LTBP1: variants seen among roughly 807,000 people sequenced by gnomAD.
LTBP1 encodes latent-transforming growth factor beta-binding protein 1.
A neutral mutation model predicts 207.6 loss-of-function variants in LTBP1; 129 were observed. The ratio of observed to expected loss-of-function variants is 0.62; its 90% CI spans 0.54 to 0.72. LTBP1 has a LOEUF of 0.72. Among genes scored for constraint, LTBP1 ranks in the 30% least tolerant of loss-of-function variants. The pLI is 0.00. For synonymous variants in LTBP1, 963 were observed against 833.7 expected (o/e 1.16, Z -2.67); for missense variants, 2,281 against 2,217.2 (o/e 1.03, Z -0.58).
intron 5 of LTBP1, among the ~76,000 whole-genome samples, chr2:33,178,089 G>T (rs1176051930): frequency 6.6e-6 from 1 of 152,176 alleles, no homozygotes; most frequent in Non-Finnish European, 1.5e-5. Context: ...TTTTGCAGAT[G>T]GAGACACTGT....
intron 24 of LTBP1, among the ~76,000 whole-genome samples, chr2:33,340,185 T>C (rs1228879356): frequency 1.4e-5 from 2 of 143,958 alleles, no homozygotes; most frequent in African/African-American, 5.3e-5. Context: ...GTGAACCCAA[T>C]AGGTGGAGTT....
At chr2:33,307,319 A>C (rs953339279) in intron 22 of LTBP1, among the ~76,000 whole-genome samples, 1 of 152,206 alleles carries the variant, frequency 6.6e-6, no homozygotes, top group African/African-American at 2.4e-5. Context: ...TGTTCACACA[A>C]AGACTTATGA....
rs59867835 is a variant in LTBP1 at position 33,345,570 on chromosome 2, G to A, written c.3857-1797G>A. Among the ~76,000 whole-genome samples the A allele has an allele frequency of 0.013, 1,975 of 152,134 alleles. 134 individuals carry two copies. The East Asian group carries it at 0.18, about 14-fold the overall frequency. ...TTTTTCTGGTCTCAATATGACTGTC[G>A]GTTGATTAAATATTTCAACTCTGCT... On this transcript the variant is annotated intron_variant, in intron 25 of 33. Transcript: ENST00000404816.
At chr2:33,078,659 A>G (rs560047231) in intron 3 of LTBP1, among the ~76,000 whole-genome samples, 2 of 152,316 alleles carry the variant, frequency 1.3e-5, no homozygotes, top group African/African-American at 2.4e-5. Context: ...GTTTAACCAC[A>G]GGTAAGCTTG....
intron 31 of LTBP1, among the ~76,000 whole-genome samples, chr2:33,383,962 T>G (rs1439524167): frequency 6.6e-6 from 1 of 152,240 alleles, no homozygotes; most frequent in Non-Finnish European, 1.5e-5. Context: ...TTGCAACCTC[T>G]CTACCATTTC....
At chr2:33,058,977 T>G (rs1196750365) in intron 3 of LTBP1, among the ~76,000 whole-genome samples, 1 of 152,240 alleles carries the variant, frequency 6.6e-6, no homozygotes, top group Non-Finnish European at 1.5e-5. Context: ...GGCATTTATC[T>G]TGTTATTTTC....
chr2:33,046,291 A>C (rs540152965), intron 3 of LTBP1, among the ~76,000 whole-genome samples: 18 of 152,272 alleles, frequency 1.2e-4, no homozygotes, highest in African/African-American at 4.3e-4. Context: ...ATTTTCCATC[A>C]ATACTTAGTT....
Position 33,275,827 on chromosome 2 carries a change from G to A in LTBP1, c.2896G>A (p.Val966Ile), listed in dbSNP as rs570103846. The change falls in exon 18 of 34, where the codon GTC becomes ATC. Residue 966 changes from valine (V) to isoleucine (I), a missense_variant. Transcript: ENST00000404816. Reference sequence around the variant, plus strand: ...TGTTGACGAATGCCTGAGGCCGGACGTCTGTGGGGAGGGGCACTGTGTCAA... The same window carrying A: ...TGTTGACGAATGCCTGAGGCCGGACATCTGTGGGGAGGGGCACTGTGTCAA... ...IDVDECLRPD[V>I]CGEGHCVNTV... is the part of the protein sequence containing the mutation. The A allele has an allele frequency of 1.3e-4, 203 of 1,613,860 alleles. No individual in the cohort carries two copies. The highest frequency in any genetic ancestry group is 1.5e-4 in the Non-Finnish European group (182 of 1,179,960).
intron 9 of LTBP1, among the ~76,000 whole-genome samples, chr2:33,230,663 G>A (rs1340885769): frequency 6.6e-6 from 1 of 152,162 alleles, no homozygotes; most frequent in East Asian, 1.9e-4. Context: ...TCCCTGAGTG[G>A]AAATACTGAG....
intron 11 of LTBP1, among the ~76,000 whole-genome samples, chr2:33,256,729 T>C (rs556830931): frequency 2.9e-4 from 1 of 3,484 alleles, no homozygotes; most frequent in Non-Finnish European, 7.0e-4. Context: ...GCTAACTATA[T>C]ATATATATAT....
intron 26 of LTBP1, among the ~76,000 whole-genome samples, chr2:33,353,853 T>G (rs897478896): frequency 6.8e-6 from 1 of 147,178 alleles, no homozygotes; most frequent in Non-Finnish European, 1.5e-5. Context: ...GTTTTGTGCA[T>G]GTACGCCTTT....
At position 33,360,797 on chromosome 2, in the gene LTBP1, G is replaced by A. The variant is rs778791257; in HGVS notation, c.4183+18G>A. On this transcript the variant is annotated intron_variant, in intron 27 of 33. Transcript: ENST00000404816. ...GGGAACTGGTAAGAATCCGCTTAGT[G>A]GTAGAGTCACACTTGTGTTTGGTCA... 4 of 1,611,908 alleles carry A rather than the reference G, an allele frequency of 2.5e-6. No homozygotes were observed. The African/African-American group carries it at 4.0e-5, about 16-fold the overall frequency.
chr2:33,338,730 C>T (rs752033295), intron 24 of LTBP1, among the ~76,000 whole-genome samples: 3 of 151,954 alleles, frequency 2.0e-5, no homozygotes, highest in Non-Finnish European at 4.4e-5. Flanking sequence ...ATTCCAGAGA[C>T]GGAAGGAGTG....
At chr2:33,380,871 T>C (rs2095205864) in intron 31 of LTBP1, among the ~76,000 whole-genome samples, 1 of 152,172 alleles carries the variant, frequency 6.6e-6, no homozygotes, top group Non-Finnish European at 1.5e-5. Context: ...TTCCTGTTTT[T>C]AAACAATTCT....
chr2:33,124,882 T>A (rs1379560957), intron 4 of LTBP1, among the ~76,000 whole-genome samples: 1 of 152,254 alleles, frequency 6.6e-6, no homozygotes, highest in Non-Finnish European at 1.5e-5. Context: ...GCGCTCTGGA[T>A]TTCAACATCC....
At chr2:33,239,870 C>T (rs1004884636) in intron 9 of LTBP1, among the ~76,000 whole-genome samples, 3 of 151,566 alleles carry the variant, frequency 2.0e-5, no homozygotes, top group Non-Finnish European at 4.4e-5. Context: ...TGCCGCTGTA[C>T]TCCAACCTGT....
In LTBP1 at chr2:33,348,015, C is replaced by T. The variant is rs1433696206; in HGVS notation, c.4000+505C>T. Among the ~76,000 whole-genome samples the T allele has an allele frequency of 2.6e-5, 4 of 152,178 alleles. No individual in the cohort carries two copies. The East Asian group carries it at 7.7e-4, about 29-fold the overall frequency. On this transcript the variant is annotated intron_variant, in intron 26 of 33. Transcript: ENST00000404816. ...TAGAGAGTAGCTATGTTTGCATTCG[C>T]TTAAAATTTGATTTAGGCTGTGTCG...
In LTBP1 at chr2:33,275,822, C is replaced by G. The variant is rs751946169; in HGVS notation, c.2891C>G (p.Pro964Arg). The stretch of plus-strand genomic sequence containing the variant: ...GTAGATGTTGACGAATGCCTGAGGC[C>G]GGACGTCTGTGGGGAGGGGCACTGT... ...NCIDVDECLRPDVCGEGHCVN... is the reference protein window; with the variant it reads ...NCIDVDECLRRDVCGEGHCVN... The change falls in exon 18 of 34, where the codon CCG becomes CGG. Residue 964 changes from proline to arginine, a missense_variant. Coordinates refer to ENST00000404816, the MANE Select transcript of LTBP1 (RefSeq NM_206943.4). 1 of 1,613,972 alleles carries G rather than the reference C, an allele frequency of 6.2e-7. No individual in the cohort carries two copies. The highest frequency in any genetic ancestry group is 8.5e-7 in the Non-Finnish European group (1 of 1,179,962).
intron 2 of LTBP1, among the ~76,000 whole-genome samples, chr2:32,985,779 G>A (rs986480515): frequency 1.3e-5 from 2 of 152,174 alleles, no homozygotes; most frequent in African/African-American, 4.8e-5. Context: ...GATGGATGGG[G>A]CCCTGTGTAA....
Sources: allele counts gnomAD v4.1 joint callset (sites outside exome capture counted in the v4.1 genomes callset), GRCh38; gene constraint gnomAD v4.1.1; transcripts MANE v1.5; gene names NCBI Gene and HGNC (gene_info 2026-07-23, HGNC 2026-07-21).